The following PKP4 variants were observed in gnomAD, a reference collection of about 807,000 sequenced individuals.
PKP4 encodes plakophilin 4.
PKP4 carries 90 observed loss-of-function variants against 145.1 expected under a neutral mutation model. That is an observed-to-expected ratio of 0.62 (90% CI 0.52 to 0.74). PKP4 has a LOEUF of 0.74. Ranked by LOEUF, PKP4 falls within the 30% of genes least tolerant of loss-of-function variation. The pLI, the probability that PKP4 is intolerant of heterozygous loss-of-function variation, is 0.00. For missense variants in PKP4, 1,340 were observed against 1,482.7 expected (o/e 0.90, Z 1.58); for synonymous variants, 563 against 577.2 (o/e 0.98, Z 0.35).
At chr2:158,505,703 A>C (rs2040911998) in intron 1 of PKP4, among the ~76,000 whole-genome samples, 1 of 152,126 alleles carries the variant, frequency 6.6e-6, no homozygotes, top group Admixed American at 6.5e-5. Context: ...TCAGGATCAG[A>C]GTCAGGTCAA....
In PKP4 at chr2:158,625,400, G is replaced by C. The variant is rs561349031; in HGVS notation, c.1126G>C (p.Val376Leu). 1 of 1,613,132 alleles carries C rather than the reference G, an allele frequency of 6.2e-7. No individual in the cohort carries two copies. The highest frequency in any genetic ancestry group is 8.5e-7 in the Non-Finnish European group (1 of 1,179,206). ...GCAGTATGACATTTATGAGAGGATG[G>C]TTCCACCCAGGCCAGACAGCCTGAC... The part of the protein sequence containing the change: ...QQQYDIYERM[V>L]PPRPDSLTGL... Residue 376 changes from valine (V) to leucine (L), a missense_variant, in exon 7 of 22, where the codon GTT (valine) becomes CTT (leucine). Transcript: ENST00000389759.
chr2:158,657,135 G>C (rs1485574156), intron 11 of PKP4, among the ~76,000 whole-genome samples: 1 of 152,160 alleles, frequency 6.6e-6, no homozygotes, highest in Non-Finnish European at 1.5e-5. Context: ...GGACTCTGGG[G>C]GGGACTTGAA....
chr2:158,575,145 C>G (rs2047736227), intron 2 of PKP4, among the ~76,000 whole-genome samples: 1 of 152,170 alleles, frequency 6.6e-6, no homozygotes, highest in South Asian at 2.1e-4. Context: ...GATAAAGAAA[C>G]TATTGTTATA....
chr2:158,573,450 G>A (rs1257612087), intron 2 of PKP4, among the ~76,000 whole-genome samples: 1 of 151,826 alleles, frequency 6.6e-6, no homozygotes, highest in Non-Finnish European at 1.5e-5. Flanking sequence ...AGAAACCAAG[G>A]GATTTTATTG....
At chr2:158,576,736 A>G (rs1225628267) in intron 2 of PKP4, among the ~76,000 whole-genome samples, 1 of 152,150 alleles carries the variant, frequency 6.6e-6, no homozygotes, top group African/African-American at 2.4e-5. Flanking sequence ...GGACATAGCA[A>G]ATTTTTGTTG....
intron 3 of PKP4, among the ~76,000 whole-genome samples, chr2:158,585,508 A>G (rs1333513205): frequency 1.3e-5 from 2 of 152,250 alleles, no homozygotes; most frequent in African/African-American, 4.8e-5. Flanking sequence ...TAGAGCTGAC[A>G]GCAGCATAAA....
intron 1 of PKP4, among the ~76,000 whole-genome samples, chr2:158,512,480 CAATT>C (rs1179202459): frequency 6.6e-6 from 1 of 152,210 alleles, no homozygotes; most frequent in African/African-American, 2.4e-5. Context: ...CCAGCTCTGT[CAATT>C]AGAGCAGATT....
At chr2:158,506,260 A>G (rs1462199134) in intron 1 of PKP4, among the ~76,000 whole-genome samples, 2 of 152,174 alleles carry the variant, frequency 1.3e-5, no homozygotes, top group Admixed American at 1.3e-4. Flanking sequence ...AGCTTTAGGA[A>G]GCCTCAGTGC....
chr2:158,530,308 A>G (rs2043399666), intron 1 of PKP4, among the ~76,000 whole-genome samples: 1 of 152,098 alleles, frequency 6.6e-6, no homozygotes, highest in Admixed American at 6.5e-5. Flanking sequence ...AAAAACAGCC[A>G]TGGCATTTTC....
At chr2:158,610,141 G>C (rs1423414707) in intron 4 of PKP4, among the ~76,000 whole-genome samples, 1 of 152,000 alleles carries the variant, frequency 6.6e-6, no homozygotes, top group Non-Finnish European at 1.5e-5. Flanking sequence ...CACATCTTTT[G>C]TGTTTTTTTA....
chr2:158,562,548 A>G (rs942699863), intron 2 of PKP4, among the ~76,000 whole-genome samples: 1 of 152,190 alleles, frequency 6.6e-6, no homozygotes. Flanking sequence ...CTGGAGATGG[A>G]TGATGGTGAT....
intron 1 of PKP4, among the ~76,000 whole-genome samples, chr2:158,510,650 G>C (rs533963460): frequency 2.0e-5 from 3 of 152,336 alleles, no homozygotes; most frequent in Non-Finnish European, 4.4e-5. Flanking sequence ...CTTGCTTGTG[G>C]GCTTTGAAAT....
At chr2:158,457,827 C>G (rs959753699) in intron 1 of PKP4, 1 of 153,518 alleles carries the variant, frequency 6.5e-6, no homozygotes, top group South Asian at 2.1e-4. Flanking sequence ...CCCTCTCTAC[C>G]GGCCGCGGAT....
intron 3 of PKP4, among the ~76,000 whole-genome samples, chr2:158,589,565 G>A (rs1457412237): frequency 2.0e-5 from 3 of 152,028 alleles, no homozygotes; most frequent in South Asian, 4.1e-4. Context: ...TCTATTCCTG[G>A]TCTTTCACAA....
At chr2:158,568,688 T>C (rs1267691888) in intron 2 of PKP4, among the ~76,000 whole-genome samples, 1 of 152,094 alleles carries the variant, frequency 6.6e-6, no homozygotes, top group Non-Finnish European at 1.5e-5. Context: ...GAGTAGACAG[T>C]CTTTTAAGAA....
At chr2:158,627,153 T>C (rs549338723) in intron 7 of PKP4, among the ~76,000 whole-genome samples, 1 of 152,328 alleles carries the variant, frequency 6.6e-6, no homozygotes, top group South Asian at 2.1e-4. Context: ...TTGACTTAGA[T>C]ATTTTCTGAA....
At chr2:158,520,278 T>C (rs1224951053) in intron 1 of PKP4, among the ~76,000 whole-genome samples, 1 of 152,234 alleles carries the variant, frequency 6.6e-6, no homozygotes, top group African/African-American at 2.4e-5. Flanking sequence ...CCGTGTGTTT[T>C]ATTTTCAAAA....
At chr2:158,527,257 C>A (rs10469793) in intron 1 of PKP4, among the ~76,000 whole-genome samples, 13 of 146,482 alleles carry the variant, frequency 8.9e-5, no homozygotes, top group African/African-American at 3.3e-4. Context: ...TACAGTAACC[C>A]AAACAGCATG....
At chr2:158,467,853 T>TA (rs980594227) in intron 1 of PKP4, among the ~76,000 whole-genome samples, 1 of 151,832 alleles carries the variant, frequency 6.6e-6, no homozygotes, top group South Asian at 2.1e-4. Context: ...TCTCCAAAAA[T>TA]AAAAAAATAA....
Sources: allele counts gnomAD v4.1 joint callset (sites outside exome capture counted in the v4.1 genomes callset), GRCh38; gene constraint gnomAD v4.1.1; transcripts MANE v1.5; gene names NCBI Gene and HGNC (gene_info 2026-07-23, HGNC 2026-07-21).